Variants in NRG1 observed in about 807,000 individuals in gnomAD.
The protein encoded by NRG1 is neuregulin 1.
In NRG1, 18 loss-of-function variants were observed where a neutral mutation model predicts 63.8. The ratio of observed to expected loss-of-function variants is 0.28; its 90% CI spans 0.19 to 0.42. NRG1 has a LOEUF of 0.42. NRG1 is among the 10% of genes least tolerant of loss of function. NRG1 has a pLI of 1.00. For missense variants in NRG1, 762 were observed against 814.7 expected (o/e 0.94, Z 0.79); for synonymous variants, 302 against 301.3 (o/e 1.00, Z -0.02).
At chr8:32,653,719 G>T (rs978630208) in intron 5 of NRG1, among the ~76,000 whole-genome samples, 6 of 152,156 alleles carry the variant, frequency 3.9e-5, no homozygotes, top group African/African-American at 1.4e-4. Context: ...ATATTTTTAT[G>T]TATTGTTTTG....
intron 1 of NRG1, among the ~76,000 whole-genome samples, chr8:31,871,820 A>G (rs1429780700): frequency 6.6e-6 from 1 of 152,176 alleles, no homozygotes; most frequent in Non-Finnish European, 1.5e-5. Flanking sequence ...ACACATAATG[A>G]TTAATATTTT....
At chr8:32,212,624 T>C (rs1844811716) in intron 1 of NRG1, among the ~76,000 whole-genome samples, 1 of 152,174 alleles carries the variant, frequency 6.6e-6, no homozygotes, top group African/African-American at 2.4e-5. Flanking sequence ...TAAGAACTCA[T>C]ATGGACTAGA....
intron 1 of NRG1, among the ~76,000 whole-genome samples, chr8:31,787,820 CAAGGTTATTGGTTA>C (rs1291251546): frequency 1.3e-5 from 2 of 152,092 alleles, no homozygotes; most frequent in African/African-American, 4.8e-5. Flanking sequence ...GGTTTTACAG[CAAGGTTATTGGTTA>C]AATCAATATT....
chr8:32,303,183 C>CAAAAAAAAAAAA (rs1563291349), intron 1 of NRG1, among the ~76,000 whole-genome samples: 2 of 59,702 alleles, frequency 3.3e-5, no homozygotes, highest in Non-Finnish European at 2.9e-5. Context: ...AACTCAGTCT[C>CAAAAAAAAAAAA]CAAAAAAAAA....
chr8:31,817,100 G>T (rs1462543391), intron 1 of NRG1, among the ~76,000 whole-genome samples: 2 of 152,152 alleles, frequency 1.3e-5, no homozygotes, highest in African/African-American at 2.4e-5. Flanking sequence ...CTTGCATAAA[G>T]TCTCTACCAA....
intron 1 of NRG1, among the ~76,000 whole-genome samples, chr8:32,137,829 A>G (rs1835746401): frequency 6.6e-6 from 1 of 152,136 alleles, no homozygotes; most frequent in Non-Finnish European, 1.5e-5. Flanking sequence ...GCCAGTCAGT[A>G]TTGATTCAAT....
intron 5 of NRG1, chr8:32,648,390 T>TAGAG (rs146965117): frequency 1.9e-6 from 3 of 1,581,334 alleles, no homozygotes; most frequent in Non-Finnish European, 2.6e-6. Context: ...ACTTTGTAAG[T>TAGAG]AGAGAGAGAG....
chr8:32,188,429 A>G (rs558859292), intron 1 of NRG1, among the ~76,000 whole-genome samples: 2 of 152,288 alleles, frequency 1.3e-5, no homozygotes, highest in East Asian at 1.9e-4. Context: ...ATGACAAGAC[A>G]TGCTCCTGCC....
chr8:32,400,616 A>G (rs1385896346), intron 1 of NRG1, among the ~76,000 whole-genome samples: 1 of 152,234 alleles, frequency 6.6e-6, no homozygotes, highest in South Asian at 2.1e-4. Flanking sequence ...CGCCAGTCAG[A>G]ATGGTTATTA....
At chr8:32,238,696 A>G (rs1847820670) in intron 1 of NRG1, among the ~76,000 whole-genome samples, 1 of 152,148 alleles carries the variant, frequency 6.6e-6, no homozygotes, top group Non-Finnish European at 1.5e-5. Context: ...TATCAGTTGT[A>G]CTTACATCCA....
chr8:31,977,393 G>T (rs1301928107), intron 1 of NRG1, among the ~76,000 whole-genome samples: 1 of 151,984 alleles, frequency 6.6e-6, no homozygotes, highest in African/African-American at 2.4e-5. Context: ...TCCATATCTA[G>T]TCTGGGGCAA....
At chr8:32,403,031 G>A (rs1813424276) in intron 1 of NRG1, among the ~76,000 whole-genome samples, 1 of 151,048 alleles carries the variant, frequency 6.6e-6, no homozygotes, top group Admixed American at 6.6e-5. Context: ...GGGCACAGTG[G>A]CTCACACCTG....
At chr8:31,948,907 G>A (rs1803038023) in intron 1 of NRG1, among the ~76,000 whole-genome samples, 2 of 152,052 alleles carry the variant, frequency 1.3e-5, no homozygotes, top group Admixed American at 1.3e-4. Context: ...TTAATTCAGA[G>A]GACTCTTCTG....
intron 1 of NRG1, among the ~76,000 whole-genome samples, chr8:31,742,434 C>T (rs973406949): frequency 7.8e-5 from 8 of 102,324 alleles, no homozygotes; most frequent in South Asian, 2.7e-4. Context: ...GAACCAGCAA[C>T]GACAGACAAC....
intron 1 of NRG1, among the ~76,000 whole-genome samples, chr8:32,095,723 G>T (rs923911991): frequency 1.3e-5 from 2 of 152,122 alleles, no homozygotes; most frequent in Middle Eastern, 3.2e-3. Flanking sequence ...ATGCTATTAT[G>T]TCTTGGATAT....
intron 1 of NRG1, among the ~76,000 whole-genome samples, chr8:32,356,766 G>A (rs1806485909): frequency 6.6e-6 from 1 of 152,152 alleles, no homozygotes; most frequent in Non-Finnish European, 1.5e-5. Flanking sequence ...TTGTGTCTCT[G>A]ACTCAAGACA....
chr8:32,671,490 A>G (rs1471786688), intron 5 of NRG1, among the ~76,000 whole-genome samples: 2 of 152,198 alleles, frequency 1.3e-5, no homozygotes, highest in Non-Finnish European at 2.9e-5. Flanking sequence ...GCCTTCATTA[A>G]TTACATCTCA....
At chr8:32,683,243 G>C (rs1563937882) in intron 5 of NRG1, among the ~76,000 whole-genome samples, 1 of 152,170 alleles carries the variant, frequency 6.6e-6, no homozygotes, top group Non-Finnish European at 1.5e-5. Flanking sequence ...TGTTATGTCA[G>C]TTGACAGTAT....
intron 1 of NRG1, among the ~76,000 whole-genome samples, chr8:32,071,446 T>A (rs577297913): frequency 6.6e-6 from 1 of 152,188 alleles, no homozygotes; most frequent in African/African-American, 2.4e-5. Flanking sequence ...TTCTAAAGAT[T>A]TGCATGAGCT....
Sources: allele counts gnomAD v4.1 joint callset (sites outside exome capture counted in the v4.1 genomes callset), GRCh38; gene constraint gnomAD v4.1.1; transcripts MANE v1.5; gene names NCBI Gene and HGNC (gene_info 2026-07-23, HGNC 2026-07-21).